STRC: variants seen among roughly 807,000 people sequenced by gnomAD.
STRC encodes stereocilin.
A neutral mutation model predicts 103.5 loss-of-function variants in STRC; 43 were observed. The ratio of observed to expected loss-of-function variants is 0.42; its 90% CI spans 0.33 to 0.54. The LOEUF (loss-of-function observed/expected upper bound fraction) is 0.54. STRC is among the 20% of genes least tolerant of loss of function. STRC has a pLI of 0.14. For synonymous variants in STRC, 186 were observed against 442.3 expected (o/e 0.42, Z 7.27); for missense variants, 499 against 1,088.5 (o/e 0.46, Z 7.62).
intron 16 of STRC, among the ~76,000 whole-genome samples, chr15:43,609,036 G>T (rs1387018205): frequency 6.7e-6 from 1 of 148,892 alleles, no homozygotes; most frequent in Non-Finnish European, 1.5e-5. Flanking sequence ...GGACAAGTAG[G>T]TGACAGGACT....
chr15:43,600,912 G>A lies in STRC; in HGVS notation c.4804C>T (p.Arg1602Trp), dbSNP rs370775837. 2.2e-5 allele frequency: 35 copies of A among 1,611,804 alleles called. No homozygotes were observed. The highest frequency in any genetic ancestry group is 3.3e-5 in the South Asian group (3 of 90,962). Residue 1602 changes from arginine to tryptophan, a missense_variant, in exon 25 of 29, where the codon CGG (arginine) becomes TGG (tryptophan). Transcript: ENST00000450892. ...TALGYTLCGL[R>W]PEELQHISSW... ...CTGATGTGCTGGAGCTCCTCTGGCCGCAGTCCACAGAGAGTATAACCCAGC... is the reference window on the plus strand; with the variant it reads ...CTGATGTGCTGGAGCTCCTCTGGCCACAGTCCACAGAGAGTATAACCCAGC...
rs2085771180 is a variant in STRC, at chr15:43,618,297, A to AGG, written c.123_124insCC (p.Leu42ProfsTer14). On this transcript the variant is annotated frameshift_variant, in exon 2 of 29. Transcript: ENST00000450892. LOFTEE classifies it high-confidence loss of function. The stretch of plus-strand genomic sequence containing the variant: ...GGAGCCTGGTCCAGAGTGGAGAGCA[A>AGG]TGACTTCAGGAAGGAGAGACCAGGG... The AGG allele has an allele frequency of 3.6e-5, 18 of 504,932 alleles. No individual in the cohort carries two copies. Among genetic ancestry groups the AGG allele is most frequent in the South Asian group, 2.9e-4 (14 of 47,644 alleles). 31.3% of individuals were successfully genotyped at this position (504,932 alleles called of 1,614,324 possible). A position where few individuals can be genotyped will look rare whatever the true frequency, so the allele number is the denominator to read the frequency against.
intron 18 of STRC, among the ~76,000 whole-genome samples, chr15:43,606,586 C>G (rs1418886805): frequency 6.8e-6 from 1 of 147,158 alleles, no homozygotes; most frequent in Non-Finnish European, 1.5e-5. Flanking sequence ...GGTGACAGAG[C>G]GAGACTCTGT....
chr15:43,604,531 G>T lies in STRC; in HGVS notation c.4128-80C>A. The stretch of plus-strand genomic sequence containing the variant: ...GGAAGGGGAAAAGAGGACATGCTAG[G>T]ATTTCGGACACAGGGCTCCAGGGGA... On this transcript the variant is annotated intron_variant, in intron 20 of 28. Transcript: ENST00000450892. 4 of 1,606,562 alleles carry T rather than the reference G, an allele frequency of 2.5e-6. No individual in the cohort carries two copies. In the South Asian group the frequency reaches 4.4e-5, roughly 18 times the overall value.
At chr15:43,609,412 C>A in intron 15 of STRC, 78 bp from the exon 16 acceptor site, 1 of 1,412,182 alleles carries the variant, frequency 7.1e-7, no homozygotes, top group Non-Finnish European at 9.9e-7. Flanking sequence ...AGAGGCAGGA[C>A]TGCCTTGGAC....
Position 43,603,308 on chromosome 15 carries a change from T to C in STRC, c.4479A>G (p.Thr1493=), listed in dbSNP as rs2085686795. The change falls in exon 23 of 29, where the codon ACA becomes ACG. Residue 1493 remains threonine, a synonymous_variant. Coordinates refer to ENST00000450892, the MANE Select transcript of STRC (RefSeq NM_153700.2). ...CAAGTCCTGGGTCTCCTGCAAATAATGTCAGGCAGTCCTCAAAGTCTGAGA... is the reference window on the plus strand; with the variant it reads ...CAAGTCCTGGGTCTCCTGCAAATAACGTCAGGCAGTCCTCAAAGTCTGAGA... ...MELSDFEDCL[T]LFAGDPGLGP... 1 of 1,613,874 alleles carries C rather than the reference T, an allele frequency of 6.2e-7. No homozygotes were observed. The highest frequency in any genetic ancestry group is 1.1e-5 in the South Asian group (1 of 91,050).
Position 43,600,541 on chromosome 15 carries a change from G to T in STRC, c.4986C>A (p.Thr1662=). Reference sequence around the variant, plus strand: ...AGTGGCCCAGCTCCCCACCTGCTATGGTGCCAATTTCAGTGAAGATCTCAG... The same window carrying T: ...AGTGGCCCAGCTCCCCACCTGCTATTGTGCCAATTTCAGTGAAGATCTCAG... ...WGPEIFTEIG[T]IAAGIPDLAL... Residue 1662 remains threonine (T), a synonymous_variant, in exon 26 of 29, where the codon ACC becomes ACA. Transcript: ENST00000450892. 3 of 1,613,218 alleles carry T rather than the reference G, an allele frequency of 1.9e-6. No individual in the cohort carries two copies. The highest frequency in any genetic ancestry group is 2.5e-6 in the Non-Finnish European group (3 of 1,179,622).
intron 24 of STRC, 111 bp downstream of exon 24, chr15:43,601,278 TAGAAAGA>T: frequency 6.8e-7 from 1 of 1,468,132 alleles, no homozygotes; most frequent in Non-Finnish European, 9.4e-7. Context: ...CAACAAAAGA[TAGAAAGA>T]AGGACCAGGT....
At chr15:43,601,970 A>G (rs1284636616) in intron 23 of STRC, among the ~76,000 whole-genome samples, 28 of 151,362 alleles carry the variant, frequency 1.8e-4, no homozygotes, top group Admixed American at 1.7e-3. Context: ...AGATACAAAA[A>G]TTAGCCAGGT....
Position 43,607,982 on chromosome 15 carries a change from G to T in STRC, c.3682-7C>A. The stretch of plus-strand genomic sequence containing the variant: ...CTGCCCAGATACAGGCCCTCTGTAG[G>T]GAAGCAGTGTGAGGCCAGAGCAGAA... On this transcript the variant is annotated splice_region_variant and splice_polypyrimidine_tract_variant and intron_variant, in intron 17 of 28. Transcript: ENST00000450892. 6.2e-7 allele frequency: 1 copy of T among 1,610,816 alleles called. No homozygotes were observed. The highest frequency in any genetic ancestry group is 8.5e-7 in the Non-Finnish European group (1 of 1,179,492).
In STRC at chr15:43,601,476, G is replaced by A. The variant is rs1284887822; in HGVS notation, c.4621C>T (p.Arg1541Trp). Reference protein sequence around the residue: ...LGRLLIGLGDRELQELILVDW... With the variant: ...LGRLLIGLGDWELQELILVDW... Reference sequence around the variant, plus strand: ...ACTAGGATCAGCTCCTGTAGTTCCCGATCTCCTAGACCTATTAAGAGCCTA... The same window carrying A: ...ACTAGGATCAGCTCCTGTAGTTCCCAATCTCCTAGACCTATTAAGAGCCTA... The change falls in exon 24 of 29, where the codon CGG (arginine) becomes TGG (tryptophan). Residue 1541 changes from arginine to tryptophan, a missense_variant. Arg to Trp is a moderately radical substitution (Grantham distance 101, BLOSUM62 -3). Transcript: ENST00000450892. 8.1e-6 allele frequency: 13 copies of A among 1,613,608 alleles called. No individual in the cohort carries two copies. Among genetic ancestry groups the A allele is most frequent in the African/African-American group, 6.7e-5 (5 of 74,812 alleles).
chr15:43,602,733 C>G (rs1490558702), intron 23 of STRC: 2 of 171,012 alleles, frequency 1.2e-5, no homozygotes, highest in Non-Finnish European at 2.5e-5. Flanking sequence ...CAAGCTCCCC[C>G]TCCCAGGTTC....
In STRC at chr15:43,610,960, C is replaced by T. The variant is rs1421230231; in HGVS notation, c.3331G>A (p.Gly1111Ser). The T allele has an allele frequency of 6.2e-7, 1 of 1,611,794 alleles. No individual in the cohort carries two copies. The highest frequency in any genetic ancestry group is 8.5e-7 in the Non-Finnish European group (1 of 1,178,786). ...ACAGCTGGACCAGCACCTGTTGTACCCATATTTTTAACACCATCTTTAACC... is the reference window on the plus strand; with the variant it reads ...ACAGCTGGACCAGCACCTGTTGTACTCATATTTTTAACACCATCTTTAACC... ...FRVKDGVKNM[G>S]TTGAGPAVCI... is the part of the protein sequence containing the mutation. Residue 1111 changes from glycine to serine, a missense_variant, in exon 14 of 29, where the codon GGT becomes AGT. Transcript: ENST00000450892.
chr15:43,606,686 C>T (rs1436275259), intron 18 of STRC, among the ~76,000 whole-genome samples: 3 of 119,672 alleles, frequency 2.5e-5, no homozygotes, highest in Non-Finnish European at 5.2e-5. Context: ...CTAGGATTAC[C>T]AGTTCTGGAA....
chr15:43,609,406 G>A, intron 15 of STRC, 72 bp from the exon 16 acceptor site: 2 of 1,478,490 alleles, frequency 1.4e-6, no homozygotes, highest in Non-Finnish European at 1.9e-6. Context: ...GAGTGGAGAG[G>A]CAGGACTGCC....
In STRC at chr15:43,600,616, G is replaced by A. The variant is rs2085657718; in HGVS notation, c.4911C>T (p.Ala1637=). 6.2e-7 allele frequency: 1 copy of A among 1,613,644 alleles called. No homozygotes were observed. The highest frequency in any genetic ancestry group is 8.5e-7 in the Non-Finnish European group (1 of 1,179,880). The change falls in exon 26 of 29, where the codon GCC becomes GCT. Residue 1637 remains alanine, a synonymous_variant. Coordinates refer to ENST00000450892, the MANE Select transcript of STRC (RefSeq NM_153700.2). ...QCSEEQLEVL[A]HLLVLPGGFG... is the part of the protein sequence containing the mutation. ...ACCCACCAGGCAGTACAAGTAGGTG[G>A]GCCAGAACCTCCAGTTGTTCCTCAG... is the stretch of plus-strand genomic sequence containing the variant.
chr15:43,618,668 A>ACAGCAG lies in STRC; in HGVS notation c.49_54dup (p.Leu17_Leu18dup). On this transcript the variant is annotated inframe_insertion, in exon 1 of 29. Transcript: ENST00000450892. ...TCACTGTTCTTCTTACCTGCAAAGG[A>ACAGCAG]CAGCAGCAGCAGCAGCAGCAGCAGC... 1 of 34,226 alleles carries ACAGCAG rather than the reference A, an allele frequency of 2.9e-5. No individual in the cohort carries two copies. The highest frequency in any genetic ancestry group is 5.1e-5 in the Non-Finnish European group (1 of 19,634). The allele number at this position is 34,226 out of a possible 1,614,324, so 2.1% of individuals were successfully genotyped here.
At chr15:43,604,476 G>C in intron 20 of STRC, 25 bp from the exon 21 acceptor site, 1 of 1,555,758 alleles carries the variant, frequency 6.4e-7, no homozygotes, top group East Asian at 2.4e-5. Flanking sequence ...AAAATCGGGG[G>C]CTGGGGAGCT....
chr15:43,605,542 T>C, intron 18 of STRC, 143 bp from the exon 19 acceptor site: 2 of 1,404,576 alleles, frequency 1.4e-6, no homozygotes, highest in Admixed American at 2.1e-5. Context: ...AGTAAACAGC[T>C]CCAGGGCCAA....
Sources: allele counts gnomAD v4.1 joint callset (sites outside exome capture counted in the v4.1 genomes callset), GRCh38; gene constraint gnomAD v4.1.1; transcripts MANE v1.5; gene names NCBI Gene and HGNC (gene_info 2026-07-23, HGNC 2026-07-21).